The following PPM1H variants were observed in gnomAD, a reference collection of about 807,000 sequenced individuals.
PPM1H encodes protein phosphatase 1H.
PPM1H carries 27 observed loss-of-function variants against 54.9 expected under a neutral mutation model. That is an observed-to-expected ratio of 0.49 (90% CI 0.36 to 0.68). The LOEUF (loss-of-function observed/expected upper bound fraction) is 0.68, where lower values mean the gene tolerates loss of function less well. PPM1H is among the 30% of genes least tolerant of loss of function. The pLI is 0.00. For missense variants in PPM1H, 596 were observed against 667.8 expected, an observed-to-expected ratio of 0.89 and a Z score of 1.19; for synonymous variants, 305 against 270.8, an observed-to-expected ratio of 1.13 and a Z score of -1.24.
chr12:62,709,071 T>C (rs1187515133), intron 6 of PPM1H, among the ~76,000 whole-genome samples: 1 of 152,132 alleles, frequency 6.6e-6, no homozygotes, highest in African/African-American at 2.4e-5. Flanking sequence ...TCCAATGTAA[T>C]TACCTAGTTT....
At chr12:62,725,378 A>G (rs963155199) in intron 5 of PPM1H, among the ~76,000 whole-genome samples, 1 of 152,204 alleles carries the variant, frequency 6.6e-6, no homozygotes, top group Non-Finnish European at 1.5e-5. Flanking sequence ...AGGTCACAGG[A>G]TCCTCATTCC....
chr12:62,670,588 C>T (rs988059038), intron 8 of PPM1H, among the ~76,000 whole-genome samples: 2 of 152,126 alleles, frequency 1.3e-5, no homozygotes, highest in Non-Finnish European at 2.9e-5. Context: ...CTTGTCCACA[C>T]TCAAATGGAA....
In PPM1H at chr12:62,794,583, C is replaced by T. The variant is rs76888154; in HGVS notation, c.757-6245G>A. Among the ~76,000 whole-genome samples, 95 of 152,220 alleles carry T rather than the reference C, an allele frequency of 6.2e-4. 1 individual carries two copies. The East Asian group carries it at 0.015, about 24-fold the overall frequency. On this transcript the variant is annotated intron_variant, in intron 3 of 9. Transcript: ENST00000228705. ...AGGAAATAGAACTCTGAGATCCTCC[C>T]GGCTATGTCCAGAGCTCAAATCCCA...
At chr12:62,839,410 A>G (rs1310424620) in intron 1 of PPM1H, among the ~76,000 whole-genome samples, 1 of 152,204 alleles carries the variant, frequency 6.6e-6, no homozygotes, top group Non-Finnish European at 1.5e-5. Context: ...AAATTGGGAT[A>G]TTTACATTAA....
chr12:62,664,869 T>C (rs1462213440), intron 9 of PPM1H, among the ~76,000 whole-genome samples: 5 of 152,196 alleles, frequency 3.3e-5, no homozygotes, highest in Admixed American at 6.5e-5. Context: ...ATAGTTTTGC[T>C]ACATCTAAAA....
chr12:62,760,952 C>A (rs1436363381), intron 4 of PPM1H, among the ~76,000 whole-genome samples: 4 of 152,190 alleles, frequency 2.6e-5, no homozygotes, highest in African/African-American at 9.6e-5. Context: ...CTGTCCCTAA[C>A]TTAGATGTTG....
chr12:62,755,608 C>A, intron 4 of PPM1H: 1 of 655,970 alleles, frequency 1.5e-6, no homozygotes, highest in Non-Finnish European at 2.8e-6. Context: ...TGCTGACACC[C>A]CCATGTCTGT....
chr12:62,794,997 A>C (rs1161962399), intron 3 of PPM1H, among the ~76,000 whole-genome samples: 1 of 152,146 alleles, frequency 6.6e-6, no homozygotes, highest in Non-Finnish European at 1.5e-5. Flanking sequence ...TCACACTATG[A>C]AGGAAGATCT....
rs7978602 is a variant in PPM1H at position 62,754,281 on chromosome 12, A to G, written c.870-16695T>C. ...GAGAGAGTTGGTATCCAGTCTTGAT[A>G]AGATTCTAGAGTAGGCTGAGGACAG... On this transcript the variant is annotated intron_variant, in intron 4 of 9. Transcript: ENST00000228705. Among the ~76,000 whole-genome samples, 1,400 of 152,286 alleles carry G rather than the reference A, an allele frequency of 9.2e-3. 19 individuals carry two copies. The highest frequency in any genetic ancestry group is 0.031 in the African/African-American group (1,294 of 41,574).
chr12:62,644,929 T>G lies in PPM1H; in HGVS notation c.*3560A>C, dbSNP rs150895751. ...CCCAGAAGCACTAACTTACTGAAAA[T>G]AGAATCTCATCAAAGCTTAACATAT... On this transcript the variant is annotated 3_prime_UTR_variant, in exon 10 of 10. Transcript: ENST00000228705. 1 of 152,200 alleles carries G rather than the reference T, an allele frequency of 6.6e-6. No homozygotes were observed. Among genetic ancestry groups the G allele is most frequent in the Non-Finnish European group, 1.5e-5 (1 of 68,044 alleles). 9.4% of individuals were successfully genotyped at this position (152,200 alleles called of 1,614,324 possible).
At chr12:62,725,548 G>A (rs906138344) in intron 5 of PPM1H, among the ~76,000 whole-genome samples, 1 of 152,162 alleles carries the variant, frequency 6.6e-6, no homozygotes, top group Non-Finnish European at 1.5e-5. Context: ...TGACTGTCCA[G>A]TCTTCCTCAA....
chr12:62,780,095 C>T (rs944617234), intron 4 of PPM1H, among the ~76,000 whole-genome samples: 3 of 152,180 alleles, frequency 2.0e-5, no homozygotes, highest in Non-Finnish European at 2.9e-5. Context: ...GCCCTAGACA[C>T]TAGCAACAGT....
intron 2 of PPM1H, among the ~76,000 whole-genome samples, chr12:62,824,484 T>C (rs992625275): frequency 5.9e-5 from 9 of 152,312 alleles, no homozygotes; most frequent in Admixed American, 2.0e-4. Flanking sequence ...GGCATCACGC[T>C]ACCTGACTTC....
intron 9 of PPM1H, among the ~76,000 whole-genome samples, chr12:62,656,233 C>T (rs2075843418): frequency 6.6e-6 from 1 of 152,170 alleles, no homozygotes; most frequent in Non-Finnish European, 1.5e-5. Flanking sequence ...CTGGCTTTCC[C>T]ACCATCCAGA....
chr12:62,768,807 T>A (rs1346075178), intron 4 of PPM1H, among the ~76,000 whole-genome samples: 1 of 151,566 alleles, frequency 6.6e-6, no homozygotes, highest in East Asian at 1.9e-4. Flanking sequence ...TTGGAGGAGG[T>A]GGAACAAAGA....
chr12:62,806,534 G>A (rs1452283634), intron 2 of PPM1H, among the ~76,000 whole-genome samples: 2 of 152,178 alleles, frequency 1.3e-5, no homozygotes, highest in Non-Finnish European at 2.9e-5. Context: ...CAGTGTTGGA[G>A]GAGGGGCCTG....
intron 4 of PPM1H, among the ~76,000 whole-genome samples, chr12:62,747,902 G>C (rs2076421791): frequency 1.3e-5 from 2 of 152,122 alleles, no homozygotes; most frequent in Admixed American, 1.3e-4. Context: ...AGGTGGGAAA[G>C]AGAAAGAGAA....
chr12:62,829,236 T>C (rs1203539543), intron 2 of PPM1H, among the ~76,000 whole-genome samples: 1 of 152,220 alleles, frequency 6.6e-6, no homozygotes, highest in Non-Finnish European at 1.5e-5. Context: ...GAGAACATTA[T>C]GCTAAGTGAA....
intron 1 of PPM1H, among the ~76,000 whole-genome samples, chr12:62,928,630 C>T (rs1486804363): frequency 6.6e-6 from 1 of 152,184 alleles, no homozygotes; most frequent in Admixed American, 6.5e-5. Flanking sequence ...ACAACGTTGG[C>T]GCCAATCCTG....
Sources: gnomAD v4.1 joint callset for allele counts (sites outside exome capture counted in the v4.1 genomes callset) on GRCh38, gnomAD v4.1.1 for gene constraint, MANE v1.5 for transcripts, NCBI Gene and HGNC (gene_info 2026-07-23, HGNC 2026-07-21) for gene names.